Variants in DEFB125 observed in about 807,000 individuals in gnomAD.
The protein encoded by DEFB125 is beta-defensin 125.
Under a neutral mutation model 11.8 loss-of-function variants are expected in DEFB125, and 11 were observed. That is an observed-to-expected ratio of 0.94 (90% CI 0.59 to 1.55). The LOEUF is 1.55. Among genes scored for constraint, DEFB125 ranks in the 40% most tolerant of loss-of-function variants. DEFB125 has a pLI of 0.00. For synonymous variants in DEFB125, 79 were observed against 66.7 expected (o/e 1.18, Z -0.90); for missense variants, 198 against 191.2 (o/e 1.04, Z -0.21).
chr20:87,797 G>T lies in DEFB125; in HGVS notation c.58+30G>T. ...TGGAACCCTATAAAGCAGAGATGAT[G>T]ACTAGGATGAGTTGTTGCCCTTGGG... On this transcript the variant is annotated intron_variant, in intron 1 of 1. Transcript: ENST00000382410. 2.5e-6 allele frequency: 4 copies of T among 1,610,346 alleles called. No homozygotes were observed. In the South Asian group the frequency reaches 3.3e-5, roughly 13 times the overall value.
chr20:87,698 C>T lies in DEFB125; in HGVS notation c.-12C>T, dbSNP rs2054480821. The T allele has an allele frequency of 6.2e-7, 1 of 1,612,852 alleles. No homozygotes were observed. The highest frequency in any genetic ancestry group is 8.5e-7 in the Non-Finnish European group (1 of 1,179,068). On this transcript the variant is annotated 5_prime_UTR_variant, in exon 1 of 2. Transcript: ENST00000382410. The stretch of plus-strand genomic sequence containing the variant: ...TTCCTCAGGACACAGAGCTTCCTCT[C>T]TCCCAGGAGCCATGAATATCCTGAT...
chr20:89,118 TA>T (rs1426069995), intron 1 of DEFB125, among the ~76,000 whole-genome samples: 1 of 152,230 alleles, frequency 6.6e-6, no homozygotes, highest in Non-Finnish European at 1.5e-5. Flanking sequence ...ATTAGATTTC[TA>T]AACTTTCTTA....
At chr20:95,412 T>G (rs1487991267) in intron 1 of DEFB125, among the ~76,000 whole-genome samples, 3 of 152,200 alleles carry the variant, frequency 2.0e-5, no homozygotes, top group Non-Finnish European at 4.4e-5. Context: ...CGAACCAACC[T>G]TGCATTCCAA....
Position 96,229 on chromosome 20 carries a change from A to C in DEFB125, c.283A>C (p.Met95Leu), listed in dbSNP as rs773571509. ...VDSFTGSPVS[M>L]LNDLITFDTT... is the part of the protein sequence containing the mutation. ...CTCTTTTACTGGTTCCCCAGTATCTATGTTGAATGATCTGATAACATTTGA... is the reference window on the plus strand; with the variant it reads ...CTCTTTTACTGGTTCCCCAGTATCTCTGTTGAATGATCTGATAACATTTGA... The change falls in exon 2 of 2, where the codon ATG (methionine) becomes CTG (leucine). Residue 95 changes from methionine (M) to leucine (L), a missense_variant. Met to Leu is a conservative substitution (Grantham distance 15). Coordinates refer to ENST00000382410, the MANE Select transcript of DEFB125 (RefSeq NM_153325.4). The C allele has an allele frequency of 5.3e-5, 85 of 1,614,092 alleles. No homozygotes were observed. Among genetic ancestry groups the C allele is most frequent in the Non-Finnish European group, 6.9e-5 (81 of 1,180,040 alleles).
At chr20:87,846 G>C (rs938599408) in intron 1 of DEFB125, 79 bp downstream of exon 1, 7 of 1,490,762 alleles carry the variant, frequency 4.7e-6, no homozygotes, top group Non-Finnish European at 6.5e-6. Context: ...ATGATGGGAA[G>C]AGAGGGAATC....
intron 1 of DEFB125, among the ~76,000 whole-genome samples, chr20:88,748 T>C (rs2054485576): frequency 6.6e-6 from 1 of 152,154 alleles, no homozygotes; most frequent in Admixed American, 6.6e-5. Flanking sequence ...GCAGATGAAT[T>C]GCCTCACATT....
At position 96,209 on chromosome 20, in the gene DEFB125, T is replaced by C; in HGVS notation, c.263T>C (p.Phe88Ser). 6.2e-7 allele frequency: 1 copy of C among 1,614,204 alleles called. No individual in the cohort carries two copies. Residue 88 changes from phenylalanine to serine, a missense_variant, in exon 2 of 2, where the codon TTT becomes TCT. Transcript: ENST00000382410. ...TTGGATTATAGTGATGTGGACTCTT[T>C]TACTGGTTCCCCAGTATCTATGTTG... Reference protein sequence around the residue: ...ITLDYSDVDSFTGSPVSMLND... With the variant: ...ITLDYSDVDSSTGSPVSMLND...
At chr20:93,893 C>A (rs1035189618) in intron 1 of DEFB125, among the ~76,000 whole-genome samples, 2 of 150,342 alleles carry the variant, frequency 1.3e-5, no homozygotes, top group African/African-American at 4.9e-5. Context: ...AACTTTGAGG[C>A]TTGGTAATAT....
chr20:94,788 C>A (rs2054508826), intron 1 of DEFB125, among the ~76,000 whole-genome samples: 1 of 152,204 alleles, frequency 6.6e-6, no homozygotes, highest in Non-Finnish European at 1.5e-5. Context: ...CTCTAGTAAT[C>A]ATTATTCTAC....
chr20:87,856 C>A, intron 1 of DEFB125, 89 bp downstream of exon 1: 9 of 1,420,414 alleles, frequency 6.3e-6, no homozygotes, highest in Non-Finnish European at 7.9e-6. Context: ...GAGAGGGAAT[C>A]TGCAGGAAAA....
chr20:96,152 C>A lies in DEFB125; in HGVS notation c.206C>A (p.Ala69Glu). 6.2e-7 allele frequency: 1 copy of A among 1,614,184 alleles called. No individual in the cohort carries two copies. The highest frequency in any genetic ancestry group is 8.5e-7 in the Non-Finnish European group (1 of 1,180,026). Residue 69 changes from alanine to glutamate, a missense_variant, in exon 2 of 2, where the codon GCA becomes GAA. Coordinates refer to ENST00000382410, the MANE Select transcript of DEFB125 (RefSeq NM_153325.4). ...TCACATGAATATACTCGACGACCAG[C>A]ATTTCCTGTGATTCACCTAGAGGAT... The part of the protein sequence containing the change: ...IISHEYTRRP[A>E]FPVIHLEDIT...
At chr20:89,539 A>T (rs1406442755) in intron 1 of DEFB125, among the ~76,000 whole-genome samples, 4 of 152,132 alleles carry the variant, frequency 2.6e-5, no homozygotes, top group African/African-American at 9.7e-5. Context: ...AATTTTATAG[A>T]ATGGATACTG....
In DEFB125 at chr20:92,059, TATAC is replaced by T. The variant is rs761926867; in HGVS notation, c.59-3931_59-3928del. Among the ~76,000 whole-genome samples the T allele has an allele frequency of 2.0e-5, 3 of 152,256 alleles. No homozygotes were observed. The East Asian group carries it at 5.8e-4, about 29-fold the overall frequency. Reference sequence around the variant, plus strand: ...AAACCAAATTATTGTGAGCCTAATATATACATACATACATACATCTATATATGTT... The same window carrying T: ...AAACCAAATTATTGTGAGCCTAATATATACATACATACATCTATATATGTT... On this transcript the variant is annotated intron_variant, in intron 1 of 1. Coordinates refer to ENST00000382410, the MANE Select transcript of DEFB125 (RefSeq NM_153325.4).
chr20:88,883 C>CACACAT (rs1600133495), intron 1 of DEFB125, among the ~76,000 whole-genome samples: 2 of 151,930 alleles, frequency 1.3e-5, no homozygotes, highest in East Asian at 3.9e-4. Context: ...CACACACACA[C>CACACAT]ACACACACAC....
In DEFB125 at chr20:96,770, C is replaced by A. The variant is rs1391475097; in HGVS notation, c.*353C>A. ...CAAAAACGAAGACCATTGTTTGGAG[C>A]TGCCTCTTATGACTAAGACAAGAAT... On this transcript the variant is annotated 3_prime_UTR_variant, in exon 2 of 2. Coordinates refer to ENST00000382410, the MANE Select transcript of DEFB125 (RefSeq NM_153325.4). 1.9e-5 allele frequency: 4 copies of A among 214,494 alleles called. No individual in the cohort carries two copies. The highest frequency in any genetic ancestry group is 2.8e-5 in the Non-Finnish European group (3 of 107,572). The allele number at this position is 214,494 out of a possible 1,614,324, so 13.3% of individuals were successfully genotyped here. A position where few individuals can be genotyped will look rare whatever the true frequency, so the allele number is the denominator to read the frequency against.
In DEFB125 at chr20:96,490, A is replaced by C; in HGVS notation, c.*73A>C. ...AATATCCAAAGAGCTGATTCTACCA[A>C]TCCAATTTCACCAGGAAAATTCCAT... On this transcript the variant is annotated 3_prime_UTR_variant, in exon 2 of 2. Transcript: ENST00000382410. The C allele has an allele frequency of 1.3e-6, 2 of 1,497,658 alleles. No individual in the cohort carries two copies. The highest frequency in any genetic ancestry group is 1.8e-6 in the Non-Finnish European group (2 of 1,123,158). 92.8% of individuals were successfully genotyped at this position (1,497,658 alleles called of 1,614,324 possible).
In DEFB125 at chr20:96,256, A is replaced by G; in HGVS notation, c.310A>G (p.Thr104Ala). Residue 104 changes from threonine to alanine, a missense_variant, in exon 2 of 2, where the codon ACA (threonine) becomes GCA (alanine). Thr to Ala is a moderately conservative substitution (Grantham distance 58). Coordinates refer to ENST00000382410, the MANE Select transcript of DEFB125 (RefSeq NM_153325.4). ...SMLNDLITFD[T>A]TKFGETMTPE... Reference sequence around the variant, plus strand: ...GTTGAATGATCTGATAACATTTGACACAACTAAATTTGGAGAAACCATGAC... The same window carrying G: ...GTTGAATGATCTGATAACATTTGACGCAACTAAATTTGGAGAAACCATGAC... 6.2e-7 allele frequency: 1 copy of G among 1,614,184 alleles called. No homozygotes were observed. Among genetic ancestry groups the G allele is most frequent in the Non-Finnish European group, 8.5e-7 (1 of 1,180,030 alleles).
intron 1 of DEFB125, among the ~76,000 whole-genome samples, chr20:94,875 A>G (rs150686212): frequency 5.9e-5 from 9 of 152,114 alleles, no homozygotes; most frequent in African/African-American, 2.2e-4. Context: ...TTTTGTGTCT[A>G]TTTCACATAA....
intron 1 of DEFB125, among the ~76,000 whole-genome samples, chr20:95,155 G>A (rs953774729): frequency 2.0e-5 from 3 of 152,060 alleles, no homozygotes; most frequent in Non-Finnish European, 2.9e-5. Flanking sequence ...CTTTGCTGGA[G>A]CTCTGCTCTG....
Sources: gnomAD v4.1 joint callset for allele counts (sites outside exome capture counted in the v4.1 genomes callset) on GRCh38, gnomAD v4.1.1 for gene constraint, MANE v1.5 for transcripts, NCBI Gene and HGNC (gene_info 2026-07-23, HGNC 2026-07-21) for gene names.